ITPR2: variants seen among roughly 807,000 people sequenced by gnomAD.
ITPR2 encodes inositol 1,4,5-trisphosphate receptor type 2.
ITPR2 carries 207 observed loss-of-function variants against 317.1 expected under a neutral mutation model. The observed-to-expected ratio is 0.65, with a 90% CI of 0.58 to 0.73. ITPR2 has a LOEUF of 0.73. Ranked by LOEUF, ITPR2 falls within the 30% of genes least tolerant of loss-of-function variation. ITPR2 has a pLI of 0.00. For synonymous variants in ITPR2, 1,156 were observed against 1,149.1 expected (o/e 1.01, Z -0.12); for missense variants, 2,613 against 3,284.0 (o/e 0.80, Z 4.99).
At chr12:26,677,717 A>G (rs1056935858) in intron 13 of ITPR2, among the ~76,000 whole-genome samples, 6 of 152,244 alleles carry the variant, frequency 3.9e-5, no homozygotes, top group African/African-American at 1.4e-4. Context: ...CTCATAAGAG[A>G]CACAACTAAA....
intron 54 of ITPR2, among the ~76,000 whole-genome samples, chr12:26,395,977 A>G (rs1939985650): frequency 6.6e-6 from 1 of 152,212 alleles, no homozygotes; most frequent in Non-Finnish European, 1.5e-5. Flanking sequence ...TACCTAAGTG[A>G]AAAGCCAGAC....
chr12:26,398,859 A>T lies in ITPR2; in HGVS notation c.7696+17T>A, dbSNP rs772767712. The T allele has an allele frequency of 1.9e-6, 3 of 1,594,726 alleles. No homozygotes were observed. Among genetic ancestry groups the T allele is most frequent in the Middle Eastern group, 1.7e-4 (1 of 6,032 alleles). On this transcript the variant is annotated intron_variant, in intron 54 of 56. Transcript: ENST00000381340. ...CAGTCTATTCATCTATTATTTTAGCATCTGCCGAACACTTACCACAGATGA... is the reference window on the plus strand; with the variant it reads ...CAGTCTATTCATCTATTATTTTAGCTTCTGCCGAACACTTACCACAGATGA...
intron 21 of ITPR2, among the ~76,000 whole-genome samples, chr12:26,643,117 C>G (rs533266381): frequency 1.3e-5 from 2 of 152,298 alleles, no homozygotes; most frequent in African/African-American, 4.8e-5. Context: ...CAAGTCAGGA[C>G]ACAGTAAGAA....
intron 49 of ITPR2, among the ~76,000 whole-genome samples, chr12:26,427,396 A>C (rs1265512604): frequency 1.3e-5 from 2 of 152,180 alleles, no homozygotes; most frequent in Admixed American, 1.3e-4. Context: ...ATATTTCAAA[A>C]TTCGGTCAAA....
At chr12:26,462,396 T>C (rs994930310) in intron 45 of ITPR2, among the ~76,000 whole-genome samples, 1 of 152,184 alleles carries the variant, frequency 6.6e-6, no homozygotes, top group Non-Finnish European at 1.5e-5. Context: ...GTAAAAATAG[T>C]AGAGATGTTG....
chr12:26,524,673 T>A (rs112667476), intron 37 of ITPR2, among the ~76,000 whole-genome samples: 1 of 152,078 alleles, frequency 6.6e-6, no homozygotes, highest in East Asian at 1.9e-4. Context: ...TTCAAAAAAA[T>A]AAAAAAGATT....
chr12:26,356,929 T>TA (rs1192515691), intron 55 of ITPR2, among the ~76,000 whole-genome samples: 1 of 152,232 alleles, frequency 6.6e-6, no homozygotes, highest in Non-Finnish European at 1.5e-5. Context: ...AAAAAGACTT[T>TA]AAGATACTGA....
intron 28 of ITPR2, among the ~76,000 whole-genome samples, chr12:26,601,434 C>G (rs1237008441): frequency 6.6e-6 from 1 of 151,820 alleles, no homozygotes. Flanking sequence ...ATTCTAGAGT[C>G]GAAGCAAGGA....
intron 2 of ITPR2, among the ~76,000 whole-genome samples, chr12:26,775,953 T>TATATATATATATATACATAC (rs1555189738): frequency 6.8e-6 from 1 of 147,594 alleles, no homozygotes; most frequent in Non-Finnish European, 1.5e-5. Context: ...TATATGTATA[T>TATATATATATATATACATAC]GTATATCCTA....
intron 48 of ITPR2, among the ~76,000 whole-genome samples, chr12:26,429,358 G>A (rs1174065810): frequency 6.6e-6 from 1 of 152,202 alleles, no homozygotes; most frequent in East Asian, 1.9e-4. Flanking sequence ...TTTATAATCT[G>A]ATAAGATTAA....
chr12:26,798,721 T>C (rs998541384), intron 1 of ITPR2, among the ~76,000 whole-genome samples: 1 of 152,248 alleles, frequency 6.6e-6, no homozygotes, highest in Non-Finnish European at 1.5e-5. Flanking sequence ...TAGAAGTTTC[T>C]ACAAATGTCC....
At chr12:26,632,251 A>T (rs1055076234) in intron 21 of ITPR2, among the ~76,000 whole-genome samples, 192 bp from the exon 22 acceptor site, 1 of 152,232 alleles carries the variant, frequency 6.6e-6, no homozygotes, top group Non-Finnish European at 1.5e-5. Context: ...TTTCAAAATG[A>T]CAACTTTTAA....
Position 26,622,255 on chromosome 12 carries a change from T to C in ITPR2, c.3273A>G (p.Leu1091=). 1.9e-6 allele frequency: 3 copies of C among 1,611,220 alleles called. No individual in the cohort carries two copies. Among genetic ancestry groups the C allele is most frequent in the Non-Finnish European group, 2.5e-6 (3 of 1,179,078 alleles). The stretch of plus-strand genomic sequence containing the variant: ...TCAATCTTACCTGCTTAAATGCCTG[T>C]AAAACCTCTGCCCTCTGGCTGAAGT... ...FKHFSQRAEV[L]QAFKQVQLLV... Residue 1091 remains leucine, a synonymous_variant, in exon 25 of 57, where the codon TTA becomes TTG. Transcript: ENST00000381340.
intron 1 of ITPR2, among the ~76,000 whole-genome samples, chr12:26,795,757 G>A (rs1254151933): frequency 6.6e-6 from 1 of 152,272 alleles, no homozygotes; most frequent in Admixed American, 6.5e-5. Context: ...GCTGAGGTGG[G>A]CAGATCATCC....
chr12:26,339,346 T>C lies in ITPR2; in HGVS notation c.*51A>G, dbSNP rs374080949. 274 of 1,477,620 alleles carry C rather than the reference T, an allele frequency of 1.9e-4. No individual in the cohort carries two copies. The highest frequency in any genetic ancestry group is 2.5e-4 in the Non-Finnish European group (267 of 1,057,742). 91.5% of individuals were successfully genotyped at this position (1,477,620 alleles called of 1,614,324 possible). On this transcript the variant is annotated 3_prime_UTR_variant, in exon 57 of 57. Coordinates refer to ENST00000381340, the MANE Select transcript of ITPR2 (RefSeq NM_002223.4). ...CCCTCCATCTCAGTTCTTTATTCAG[T>C]GATCAGGCAGGACACTGATGAAAGG...
intron 2 of ITPR2, among the ~76,000 whole-genome samples, chr12:26,754,316 A>C (rs549081122): frequency 2.0e-3 from 304 of 152,310 alleles, no homozygotes; most frequent in Non-Finnish European, 2.7e-3. Flanking sequence ...GGAGCATTAG[A>C]TTCTAGATAC....
intron 2 of ITPR2, among the ~76,000 whole-genome samples, chr12:26,745,184 T>C (rs971973143): frequency 3.9e-5 from 6 of 152,206 alleles, no homozygotes; most frequent in African/African-American, 1.4e-4. Flanking sequence ...GATGAAAACA[T>C]GAGAACATAA....
chr12:26,365,062 T>C (rs1938963952), intron 55 of ITPR2, among the ~76,000 whole-genome samples: 1 of 152,200 alleles, frequency 6.6e-6, no homozygotes, highest in Admixed American at 6.5e-5. Flanking sequence ...TGAACATGAA[T>C]TGCGAAGCGA....
At chr12:26,497,612 C>T (rs912642976) in intron 37 of ITPR2, among the ~76,000 whole-genome samples, 1 of 152,172 alleles carries the variant, frequency 6.6e-6, no homozygotes, top group Non-Finnish European at 1.5e-5. Context: ...CTCTACATGG[C>T]ATAGCCTGTC....
Sources: allele counts gnomAD v4.1 joint callset (sites outside exome capture counted in the v4.1 genomes callset), GRCh38; gene constraint gnomAD v4.1.1; transcripts MANE v1.5; gene names NCBI Gene and HGNC (gene_info 2026-07-23, HGNC 2026-07-21).